The following PTPRN2 variants were observed in gnomAD, a reference collection of about 807,000 sequenced individuals.
PTPRN2 encodes the protein protein tyrosine phosphatase receptor type N2.
PTPRN2 carries 74 observed loss-of-function variants against 118.8 expected under a neutral mutation model. The ratio of observed to expected loss-of-function variants is 0.62; its 90% confidence interval spans 0.52 to 0.76. PTPRN2 has a LOEUF of 0.76. Among genes scored for constraint, PTPRN2 ranks in the 30% least tolerant of loss-of-function variants. PTPRN2 has a pLI of 0.00. For missense variants in PTPRN2, 1,481 were observed against 1,394.4 expected, an observed-to-expected ratio of 1.06 and a Z score of -0.99; for synonymous variants, 641 against 608.0, an observed-to-expected ratio of 1.05 and a Z score of -0.80.
At chr7:158,545,540 T>C (rs73729684) in intron 1 of PTPRN2, among the ~76,000 whole-genome samples, 2,365 of 152,258 alleles carry the variant, frequency 0.016, 75 homozygotes, top group African/African-American at 0.054. Flanking sequence ...TGCGCTATTC[T>C]GGAATATCGT....
chr7:158,280,009 C>A (rs1799307976), intron 3 of PTPRN2, among the ~76,000 whole-genome samples: 1 of 151,740 alleles, frequency 6.6e-6, no homozygotes, highest in Non-Finnish European at 1.5e-5. Context: ...CCACCGCTGC[C>A]CCCGAACCCA....
At chr7:157,614,199 G>A in intron 15 of PTPRN2, 1 of 445,576 alleles carries the variant, frequency 2.2e-6, no homozygotes, top group Non-Finnish European at 4.7e-6. Context: ...GCCAAGGCAG[G>A]GTTTGAAGTC....
At chr7:157,621,201 C>T (rs1265078868) in intron 15 of PTPRN2, among the ~76,000 whole-genome samples, 161 bp downstream of exon 15, 1 of 151,816 alleles carries the variant, frequency 6.6e-6, no homozygotes, top group Non-Finnish European at 1.5e-5. Flanking sequence ...GCCTGTAACC[C>T]AGGCCTCCCG....
chr7:158,537,179 A>T (rs764085382), intron 1 of PTPRN2, among the ~76,000 whole-genome samples: 1 of 152,040 alleles, frequency 6.6e-6, no homozygotes, highest in Non-Finnish European at 1.5e-5. Context: ...GCCTCCAGAA[A>T]TGTGAAAAAT....
At chr7:158,386,904 G>C (rs1811428680) in intron 2 of PTPRN2, among the ~76,000 whole-genome samples, 1 of 152,152 alleles carries the variant, frequency 6.6e-6, no homozygotes, top group Admixed American at 6.5e-5. Flanking sequence ...AGATGAATGG[G>C]AAGGTGCTTC....
intron 3 of PTPRN2, among the ~76,000 whole-genome samples, chr7:158,306,877 T>G (rs1018551407): frequency 1.2e-4 from 17 of 147,510 alleles, no homozygotes; most frequent in African/African-American, 4.2e-4. Context: ...TTTTTTTTTT[T>G]TTTTTTTTAG....
rs573844206 is a variant in PTPRN2 at position 158,058,613 on chromosome 7, G to A, written c.1723+22685C>T. On this transcript the variant is annotated intron_variant, in intron 11 of 22. Transcript: ENST00000389418. ...ACATCACTGCAGCCACACTCCATCT[G>A]CCCACGGTGACACATCACTGCAGCC... Among the ~76,000 whole-genome samples the A allele has an allele frequency of 2.8e-3, 247 of 88,266 alleles. 5 individuals carry two copies. The highest frequency in any genetic ancestry group is 0.012 in the African/African-American group (229 of 19,180). 57.9% of individuals were successfully genotyped at this position (88,266 alleles called of 152,430 possible). A position where few individuals can be genotyped will look rare whatever the true frequency, so the allele number is the denominator to read the frequency against.
intron 2 of PTPRN2, among the ~76,000 whole-genome samples, chr7:158,452,386 C>T (rs1468066841): frequency 6.6e-6 from 1 of 152,248 alleles, no homozygotes; most frequent in East Asian, 1.9e-4. Flanking sequence ...GAAGCACTGT[C>T]TCCCCTGCCC....
intron 2 of PTPRN2, among the ~76,000 whole-genome samples, chr7:158,366,311 G>A (rs1328676738): frequency 7.5e-6 from 1 of 133,066 alleles, no homozygotes; most frequent in African/African-American, 2.9e-5. Flanking sequence ...CAATGCACGT[G>A]TGCAAATGCA....
chr7:158,085,702 ACCCATCCACACCCACGACG>A (rs1813326112), intron 10 of PTPRN2, among the ~76,000 whole-genome samples: 2 of 102,366 alleles, frequency 2.0e-5, no homozygotes, highest in Admixed American at 1.1e-4. Context: ...CCACACAGAT[ACCCATCCACACCCACGACG>A]CCCATCCACA....
chr7:158,280,621 A>G (rs1385657349), intron 3 of PTPRN2, among the ~76,000 whole-genome samples: 1 of 152,234 alleles, frequency 6.6e-6, no homozygotes, highest in Non-Finnish European at 1.5e-5. Context: ...AGGAGCCGAG[A>G]GAGCCTGGGG....
intron 2 of PTPRN2, among the ~76,000 whole-genome samples, chr7:158,325,484 G>A (rs1803426753): frequency 6.6e-6 from 1 of 152,146 alleles, no homozygotes; most frequent in African/African-American, 2.4e-5. Context: ...TTAGGGCATT[G>A]TTTGAAATAA....
intron 3 of PTPRN2, among the ~76,000 whole-genome samples, chr7:158,316,571 C>T (rs1201885856): frequency 6.6e-6 from 1 of 152,166 alleles, no homozygotes; most frequent in Non-Finnish European, 1.5e-5. Context: ...AGCTGCGGGC[C>T]ACTGCAGCCT....
At chr7:158,238,172 C>T (rs1795659129) in intron 3 of PTPRN2, among the ~76,000 whole-genome samples, 1 of 152,106 alleles carries the variant, frequency 6.6e-6, no homozygotes, top group Non-Finnish European at 1.5e-5. Context: ...AAAGGACGCC[C>T]TGGGCTTGGC....
chr7:158,519,142 G>A (rs1229186705), intron 1 of PTPRN2, among the ~76,000 whole-genome samples: 1 of 152,160 alleles, frequency 6.6e-6, no homozygotes, highest in African/African-American at 2.4e-5. Context: ...ACAGTACACA[G>A]GCGTCGTCAC....
chr7:157,850,240 C>A (rs1809166657), intron 12 of PTPRN2, among the ~76,000 whole-genome samples: 1 of 152,132 alleles, frequency 6.6e-6, no homozygotes, highest in African/African-American at 2.4e-5. Context: ...GAGCCTCAGG[C>A]TCACATAAGG....
intron 3 of PTPRN2, among the ~76,000 whole-genome samples, chr7:158,214,974 C>T (rs1360396395): frequency 1.3e-5 from 2 of 152,096 alleles, no homozygotes; most frequent in African/African-American, 2.4e-5. Context: ...AAGAAAATAA[C>T]TGGTTATACA....
rs541136285 is a variant in PTPRN2, at chr7:157,619,201, C to T, written c.2344+2161G>A. Among the ~76,000 whole-genome samples, 143 of 152,262 alleles carry T rather than the reference C, an allele frequency of 9.4e-4. No individual in the cohort carries two copies. Among genetic ancestry groups the T allele is most frequent in the African/African-American group, 3.3e-3 (139 of 41,538 alleles). ...CGGGAGGAAAACCCCATCGGCAGGTCGTTTCTGCCACGCTCCGGGCTGTCT... is the reference window on the plus strand; with the variant it reads ...CGGGAGGAAAACCCCATCGGCAGGTTGTTTCTGCCACGCTCCGGGCTGTCT... On this transcript the variant is annotated intron_variant, in intron 15 of 22. Transcript: ENST00000389418. The surrounding 1 kb of genome is among the most constrained non-coding windows in gnomAD (Gnocchi z 5.3).
rs928890123 is a variant in PTPRN2 at position 157,813,026 on chromosome 7, A to G, written c.1788+85647T>C. Among the ~76,000 whole-genome samples, 1 of 152,166 alleles carries G rather than the reference A, an allele frequency of 6.6e-6. No homozygotes were observed. The highest frequency in any genetic ancestry group is 2.4e-5 in the African/African-American group (1 of 41,410). On this transcript the variant is annotated intron_variant, in intron 12 of 22. Coordinates refer to ENST00000389418, the MANE Select transcript of PTPRN2 (RefSeq NM_002847.5). This position sits in a 1 kb window ranked among gnomAD's most constrained non-coding sequence, Gnocchi z 4.7. ...GCCTCTGGATGAGCTTCTGTTAAAA[A>G]GAGATGACTCGGTGACAAACAGGAG...
Sources: gnomAD v4.1 joint callset for allele counts (sites outside exome capture counted in the v4.1 genomes callset) on GRCh38, gnomAD v4.1.1 for gene constraint, Gnocchi (gnomAD v3.1) non-coding constraint, MANE v1.5 for transcripts, NCBI Gene and HGNC (gene_info 2026-07-23, HGNC 2026-07-21) for gene names.